Variants in KCNIP4 observed in about 807,000 individuals in gnomAD.
KCNIP4 encodes potassium voltage-gated channel interacting protein 4.
KCNIP4 carries 12 observed loss-of-function variants against 34.0 expected under a neutral mutation model. The observed-to-expected ratio is 0.35, with a 90% confidence interval of 0.23 to 0.57. The LOEUF is 0.57. Ranked by LOEUF, KCNIP4 falls within the 20% of genes least tolerant of loss-of-function variation. The pLI is 0.83. For missense variants in KCNIP4, 238 were observed against 311.7 expected (o/e 0.76, Z 1.78); for synonymous variants, 124 against 102.2 (o/e 1.21, Z -1.29).
intron 1 of KCNIP4, among the ~76,000 whole-genome samples, chr4:21,106,656 C>T (rs899869308): frequency 4.0e-5 from 6 of 151,392 alleles, no homozygotes; most frequent in African/African-American, 1.5e-4. Flanking sequence ...AATGTGTTTG[C>T]TCTTGCTTTT....
chr4:21,579,529 A>G (rs543534255), intron 1 of KCNIP4, among the ~76,000 whole-genome samples: 39 of 152,126 alleles, frequency 2.6e-4, no homozygotes, highest in Non-Finnish European at 4.9e-4. Flanking sequence ...TAAATTCTAT[A>G]TATCCATTCA....
chr4:21,395,124 T>C (rs1192514940), intron 1 of KCNIP4, among the ~76,000 whole-genome samples: 2 of 152,148 alleles, frequency 1.3e-5, no homozygotes, highest in Non-Finnish European at 2.9e-5. Context: ...AAATTTGAAA[T>C]TCGACAAATG....
At chr4:21,386,078 C>A (rs1219104069) in intron 1 of KCNIP4, among the ~76,000 whole-genome samples, 1 of 152,152 alleles carries the variant, frequency 6.6e-6, no homozygotes, top group Non-Finnish European at 1.5e-5. Context: ...GGGGAAATTA[C>A]TTTTTAGTAG....
rs1247903161 is a variant in KCNIP4, at chr4:21,654,963, C to G, written c.61+293608G>C. 3.9e-5 allele frequency among the ~76,000 whole-genome samples: 6 copies of G among 151,930 alleles called. No homozygotes were observed. The East Asian group carries it at 1.2e-3, about 30-fold the overall frequency. On this transcript the variant is annotated intron_variant, in intron 1 of 8. Coordinates refer to ENST00000382152, the MANE Select transcript of KCNIP4 (RefSeq NM_025221.6). The stretch of plus-strand genomic sequence containing the variant: ...AGAAAAAGAAAACTGTATGACTAGT[C>G]TGCAAAGGGTGGAAAGAAAAATTGC...
At chr4:21,028,363 T>TC (rs1740728054) in intron 1 of KCNIP4, among the ~76,000 whole-genome samples, 1 of 152,198 alleles carries the variant, frequency 6.6e-6, no homozygotes, top group Non-Finnish European at 1.5e-5. Context: ...TCCAACAGCC[T>TC]CTGATTTTTA....
intron 1 of KCNIP4, among the ~76,000 whole-genome samples, chr4:21,705,273 T>C (rs1006557258): frequency 6.6e-6 from 1 of 152,154 alleles, no homozygotes; most frequent in African/African-American, 2.4e-5. Flanking sequence ...CTTGTGGTGA[T>C]GGAAGTCTTC....
intron 1 of KCNIP4, among the ~76,000 whole-genome samples, chr4:21,344,160 A>G (rs909050120): frequency 2.0e-5 from 3 of 152,312 alleles, no homozygotes; most frequent in Admixed American, 6.5e-5. Flanking sequence ...GGATTTTCCA[A>G]TAACCACAGA....
At chr4:20,940,123 A>G (rs1731490748) in intron 1 of KCNIP4, among the ~76,000 whole-genome samples, 1 of 152,080 alleles carries the variant, frequency 6.6e-6, no homozygotes, top group Non-Finnish European at 1.5e-5. Flanking sequence ...GGTCTTCTCC[A>G]CCTAGGATGC....
Position 20,729,774 on chromosome 4 carries a change from G to GT in KCNIP4, c.*307_*308insA, listed in dbSNP as rs1176105564. Reference sequence around the variant, plus strand: ...TGATATTTTAAAATCACTGATATGTGAAAGCCTCAATAATCCCATGGCTAA... The same window carrying GT: ...TGATATTTTAAAATCACTGATATGTGTAAAGCCTCAATAATCCCATGGCTAA... On this transcript the variant is annotated 3_prime_UTR_variant, in exon 9 of 9. Coordinates refer to ENST00000382152, the MANE Select transcript of KCNIP4 (RefSeq NM_025221.6). 1.2e-5 allele frequency: 3 copies of GT among 257,746 alleles called. No homozygotes were observed. The highest frequency in any genetic ancestry group is 2.2e-5 in the Non-Finnish European group (3 of 137,004). 16.0% of individuals were successfully genotyped at this position (257,746 alleles called of 1,614,324 possible). A position where few individuals can be genotyped will look rare whatever the true frequency, so the allele number is the denominator to read the frequency against.
At chr4:21,661,992 G>A (rs1308880085) in intron 1 of KCNIP4, among the ~76,000 whole-genome samples, 2 of 152,018 alleles carry the variant, frequency 1.3e-5, no homozygotes, top group African/African-American at 2.4e-5. Context: ...GACACAATGC[G>A]ACCCAAGTGA....
At chr4:21,158,644 T>C (rs1212942596) in intron 1 of KCNIP4, among the ~76,000 whole-genome samples, 1 of 152,144 alleles carries the variant, frequency 6.6e-6, no homozygotes, top group East Asian at 1.9e-4. Context: ...ACTTCCTCAG[T>C]GTGATAAAAA....
intron 1 of KCNIP4, among the ~76,000 whole-genome samples, chr4:20,923,153 A>G (rs1729571111): frequency 6.6e-6 from 1 of 152,126 alleles, no homozygotes; most frequent in Admixed American, 6.5e-5. Context: ...ACATGTAGAA[A>G]TCCTGCTGAG....
chr4:21,104,221 G>T (rs867053661), intron 1 of KCNIP4, among the ~76,000 whole-genome samples: 7 of 151,974 alleles, frequency 4.6e-5, no homozygotes, highest in Admixed American at 3.9e-4. Flanking sequence ...CAGTATAAAA[G>T]TGTTCCTATT....
intron 3 of KCNIP4, among the ~76,000 whole-genome samples, chr4:20,810,856 C>T (rs1198375002): frequency 6.6e-6 from 1 of 152,156 alleles, no homozygotes; most frequent in Non-Finnish European, 1.5e-5. Flanking sequence ...GAACTTTGGT[C>T]TGCTTTCCTT....
In KCNIP4 at chr4:21,388,666, C is replaced by A. The variant is rs192720081; in HGVS notation, c.62-505957G>T. On this transcript the variant is annotated intron_variant, in intron 1 of 8. Coordinates refer to ENST00000382152, the MANE Select transcript of KCNIP4 (RefSeq NM_025221.6). ...CTTCTATCCTTTTAGCTATTACCCT[C>A]CACTTTTCCCCAACACTCCAGGCCT... is the stretch of plus-strand genomic sequence containing the variant. Among the ~76,000 whole-genome samples the A allele has an allele frequency of 2.6e-5, 4 of 152,212 alleles. No homozygotes were observed. The East Asian group carries it at 7.7e-4, about 29-fold the overall frequency.
intron 1 of KCNIP4, among the ~76,000 whole-genome samples, chr4:21,809,693 T>C (rs932999006): frequency 2.0e-5 from 3 of 152,210 alleles, no homozygotes; most frequent in African/African-American, 7.2e-5. Flanking sequence ...TACAGTTTCC[T>C]TACTTATTTA....
At chr4:21,325,141 C>G (rs1335942857) in intron 1 of KCNIP4, among the ~76,000 whole-genome samples, 3 of 151,814 alleles carry the variant, frequency 2.0e-5, no homozygotes, top group African/African-American at 4.8e-5. Flanking sequence ...GAAGTATTCC[C>G]TCCTCCTAAT....
chr4:21,328,509 G>A (rs1415076082), intron 1 of KCNIP4, among the ~76,000 whole-genome samples: 2 of 152,162 alleles, frequency 1.3e-5, no homozygotes, highest in African/African-American at 4.8e-5. Context: ...GGACTGTACT[G>A]AGTCAGACCC....
intron 1 of KCNIP4, among the ~76,000 whole-genome samples, chr4:21,117,659 G>C (rs1749809711): frequency 6.6e-6 from 1 of 152,126 alleles, no homozygotes; most frequent in African/African-American, 2.4e-5. Context: ...ACGTGGACAG[G>C]GGCCGTGTTG....
Sources: allele counts gnomAD v4.1 joint callset (sites outside exome capture counted in the v4.1 genomes callset), GRCh38; gene constraint gnomAD v4.1.1; transcripts MANE v1.5; gene names NCBI Gene and HGNC (gene_info 2026-07-23, HGNC 2026-07-21).